GPKOW: variants seen among roughly 807,000 people sequenced by gnomAD.
GPKOW encodes the protein G-patch domain and KOW motifs-containing protein.
For synonymous variants in GPKOW, 167 were observed against 159.1 expected, an observed-to-expected ratio of 1.05 and a Z score of -0.37; for missense variants, 359 against 404.7, an observed-to-expected ratio of 0.89 and a Z score of 0.97.
At chrX:49,120,695 G>T (rs973133964) in intron 3 of GPKOW, among the ~76,000 whole-genome samples, 3 of 108,783 alleles carry the variant, frequency 2.8e-5, no homozygotes, top group African/African-American at 1.0e-4. Flanking sequence ...ATGAAGTCTT[G>T]CTGTGTTGCC....
At chrX:49,118,170 T>C (rs1557090573) in intron 4 of GPKOW, among the ~76,000 whole-genome samples, 1 of 109,873 alleles carries the variant, frequency 9.1e-6, no homozygotes, top group African/African-American at 3.3e-5. Context: ...ATCCGTCCTC[T>C]TTGGCCTCCC....
chrX:49,123,733 T>C lies in GPKOW; in HGVS notation c.-11A>G. 1 of 1,190,876 alleles carries C rather than the reference T, an allele frequency of 8.4e-7. No homozygotes were observed. Among genetic ancestry groups the C allele is most frequent in the Admixed American group, 2.3e-5 (1 of 42,768 alleles). On this transcript the variant is annotated 5_prime_UTR_variant, in exon 1 of 11. Transcript: ENST00000156109. ...TTTGGAGTCAGCCATCTTGCTCCTT[T>C]TCCCAGGCCGGCGCGCTGCTTGCTG...
chrX:49,121,795 T>C lies in GPKOW; in HGVS notation c.456+603A>G, dbSNP rs2065213899. Among the ~76,000 whole-genome samples, 3 of 111,110 alleles carry C rather than the reference T, an allele frequency of 2.7e-5. No individual in the cohort carries two copies. The South Asian group carries it at 1.1e-3, about 42-fold the overall frequency. ...CTAACAGGAGTACTCACTCTGTTCT[T>C]CCCTCTCTCACTAAACCCTACTTAT... On this transcript the variant is annotated intron_variant, in intron 3 of 10. Transcript: ENST00000156109.
chrX:49,118,803 T>C (rs1382136414), intron 4 of GPKOW, among the ~76,000 whole-genome samples: 1 of 105,319 alleles, frequency 9.5e-6, no homozygotes, highest in African/African-American at 3.5e-5. Context: ...CAATGGGTTA[T>C]GAAAAAATGT....
In GPKOW at chrX:49,122,679, C is replaced by T. The variant is rs782709277; in HGVS notation, c.274G>A (p.Asp92Asn). ...ACCCCATCCGCCAAGGCCCCAGTAT[C>T]TGTGGATGGCCCAGGGGGCCGGGCT... The part of the protein sequence containing the change: ...PPARPPGPST[D>N]TGALADGVVS... Residue 92 changes from aspartate to asparagine, a missense_variant, in exon 2 of 11, where the codon GAT (aspartate) becomes AAT (asparagine). Physicochemically the swap from Asp to Asn is conservative, Grantham distance 23. Transcript: ENST00000156109. The T allele has an allele frequency of 9.1e-6, 11 of 1,209,945 alleles. No individual in the cohort carries two copies. In the East Asian group the frequency reaches 3.0e-4, roughly 33 times the overall value.
At chrX:49,120,958 C>G (rs1282341946) in intron 3 of GPKOW, among the ~76,000 whole-genome samples, 1 of 110,992 alleles carries the variant, frequency 9.0e-6, no homozygotes, top group Admixed American at 9.6e-5. Flanking sequence ...GCCACCGCCC[C>G]TGGCTGACTC....
intron 3 of GPKOW, 60 bp from the exon 4 acceptor site, chrX:49,119,874 A>G: frequency 1.5e-6 from 1 of 672,044 alleles, no homozygotes; most frequent in South Asian, 2.6e-5. Flanking sequence ...CTTCTATTTG[A>G]AGTGCACTTG....
intron 9 of GPKOW, among the ~76,000 whole-genome samples, chrX:49,115,513 AAAAAAAAAG>A (rs1349741066): frequency 2.3e-5 from 2 of 87,139 alleles, no homozygotes; most frequent in African/African-American, 8.1e-5. Context: ...TCTCAAAAAA[AAAAAAAAAG>A]AAAAAAAAGA....
At position 49,117,796 on chromosome X, in the gene GPKOW, C is replaced by T. The variant is rs782582614; in HGVS notation, c.581G>A (p.Arg194His). The T allele has an allele frequency of 2.0e-5, 24 of 1,185,751 alleles. No homozygotes were observed. Among genetic ancestry groups the T allele is most frequent in the Non-Finnish European group, 2.3e-5 (20 of 876,368 alleles). The change falls in exon 5 of 11, where the codon CGT (arginine) becomes CAT (histidine). Residue 194 changes from arginine (R) to histidine (H), a missense_variant. Physicochemically the swap from Arg to His is conservative, Grantham distance 29 (BLOSUM62 0). Coordinates refer to ENST00000156109, the MANE Select transcript of GPKOW (RefSeq NM_015698.6). ...CCCCTTGGGCCTCAGTGAGTTGACA[C>T]GGGGCTTCACTACTCTGCAGGGAGG... ...GRTFNQVVKP[R>H]VNSLRPKGLG...
At chrX:49,122,324 T>TA in intron 3 of GPKOW, 74 bp downstream of exon 3, 1 of 913,805 alleles carries the variant, frequency 1.1e-6, no homozygotes, top group Non-Finnish European at 1.5e-6. Context: ...CTTTCCCTGC[T>TA]ACGTGCAGGG....
In GPKOW at chrX:49,116,031, A is replaced by G; in HGVS notation, c.1017-17T>C. 8.3e-7 allele frequency: 1 copy of G among 1,210,885 alleles called. No individual in the cohort carries two copies. Among genetic ancestry groups the G allele is most frequent in the Non-Finnish European group, 1.1e-6 (1 of 895,000 alleles). On this transcript the variant is annotated splice_polypyrimidine_tract_variant and intron_variant, in intron 7 of 10. Transcript: ENST00000156109. Reference sequence around the variant, plus strand: ...CCATCCTGTCTGTGGAGAAGGTGCCAGCACCAGGCTTAGCTCTTCATCAGA... The same window carrying G: ...CCATCCTGTCTGTGGAGAAGGTGCCGGCACCAGGCTTAGCTCTTCATCAGA...
At chrX:49,121,427 C>CA (rs1303664935) in intron 3 of GPKOW, among the ~76,000 whole-genome samples, 3 of 110,483 alleles carry the variant, frequency 2.7e-5, no homozygotes, top group African/African-American at 6.6e-5. Context: ...GACTCTATCT[C>CA]AAAAAACAAA....
chrX:49,122,670 C>A lies in GPKOW; in HGVS notation c.283G>T (p.Ala95Ser), dbSNP rs781930018. 1 of 1,211,424 alleles carries A rather than the reference C, an allele frequency of 8.3e-7. No homozygotes were observed. Among genetic ancestry groups the A allele is most frequent in the African/African-American group, 1.7e-5 (1 of 57,972 alleles). Residue 95 changes from alanine to serine, a missense_variant, in exon 2 of 11, where the codon GCC (alanine) becomes TCC (serine). Ala to Ser is a moderately conservative substitution (Grantham distance 99). Coordinates refer to ENST00000156109, the MANE Select transcript of GPKOW (RefSeq NM_015698.6). ...TGGGACACCACCCCATCCGCCAAGG[C>A]CCCAGTATCTGTGGATGGCCCAGGG... ...RPPGPSTDTG[A>S]LADGVVSQAV...
chrX:49,122,305 A>T, intron 3 of GPKOW, 93 bp downstream of exon 3: 1 of 798,032 alleles, frequency 1.3e-6, no homozygotes, highest in Non-Finnish European at 1.7e-6. Flanking sequence ...CCTCTAGCAC[A>T]CACACAGACT....
chrX:49,115,783 C>G lies in GPKOW; in HGVS notation c.1153G>C (p.Asp385His). ...ACACAGGTATCTGGGCTTAGGACAT[C>G]TTCAATTATCATCTGGGGATACAGG... ...QYYNTKMIIE[D>H]VLSPDTCVCR... Residue 385 changes from aspartate to histidine, a missense_variant, in exon 9 of 11, where the codon GAT becomes CAT. By Grantham distance (81) the Asp-to-His change is moderately conservative. Transcript: ENST00000156109. 2.5e-6 allele frequency: 3 copies of G among 1,206,288 alleles called. No individual in the cohort carries two copies. The highest frequency in any genetic ancestry group is 3.4e-6 in the Non-Finnish European group (3 of 890,682).
chrX:49,122,999 T>G (rs974190266), intron 1 of GPKOW, among the ~76,000 whole-genome samples: 3 of 111,529 alleles, frequency 2.7e-5, no homozygotes, highest in Non-Finnish European at 5.7e-5. Context: ...AAATAAGTCC[T>G]GCACTCTCTG....
intron 3 of GPKOW, among the ~76,000 whole-genome samples, chrX:49,120,476 G>A (rs1557090898): frequency 9.0e-6 from 1 of 110,684 alleles, no homozygotes; most frequent in Non-Finnish European, 1.9e-5. Flanking sequence ...GCCACAAGAG[G>A]GACCAGTGAG....
chrX:49,117,492 G>A, intron 5 of GPKOW, 105 bp downstream of exon 5: 1 of 590,490 alleles, frequency 1.7e-6, no homozygotes, highest in Non-Finnish European at 2.8e-6. Flanking sequence ...AAAAGACTAG[G>A]AGTCCCAGCC....
intron 9 of GPKOW, among the ~76,000 whole-genome samples, chrX:49,114,922 CAAAAAAAAAAA>C (rs1169588195): frequency 6.6e-5 from 3 of 45,588 alleles, no homozygotes; most frequent in African/African-American, 1.3e-4. Flanking sequence ...GACTCTGTTT[CAAAAAAAAAAA>C]AAAAAAAAAA....
Sources: gnomAD v4.1 joint callset for allele counts (sites outside exome capture counted in the v4.1 genomes callset) on GRCh38, gnomAD v4.1.1 for gene constraint, MANE v1.5 for transcripts, NCBI Gene and HGNC (gene_info 2026-07-23, HGNC 2026-07-21) for gene names.